Variants in COL14A1 observed in about 807,000 individuals in gnomAD.
COL14A1 encodes collagen alpha-1(XIV) chain.
COL14A1 carries 136 observed loss-of-function variants against 230.3 expected under a neutral mutation model. The observed-to-expected ratio is 0.59, with a 90% CI of 0.51 to 0.68. The LOEUF is 0.68. COL14A1 is among the 30% of genes least tolerant of loss of function. The pLI is 0.00. For synonymous variants in COL14A1, 792 were observed against 784.1 expected, an observed-to-expected ratio of 1.01 and a Z score of -0.17; for missense variants, 1,976 against 2,215.8, an observed-to-expected ratio of 0.89 and a Z score of 2.17.
chr8:120,364,094 T>C (rs1046262683), intron 45 of COL14A1, among the ~76,000 whole-genome samples: 1 of 150,382 alleles, frequency 6.6e-6, no homozygotes, highest in African/African-American at 2.4e-5. Context: ...GTCCCATGAG[T>C]CTCCTGAGTC....
intron 5 of COL14A1, 68 bp from the exon 6 acceptor site, chr8:120,196,723 T>G: frequency 6.6e-7 from 1 of 1,520,354 alleles, no homozygotes; most frequent in Non-Finnish European, 9.0e-7. Context: ...CTAAAAGACA[T>G]TAAGATGGAC....
Position 120,231,538 on chromosome 8 carries a change from A to G in COL14A1, c.2269A>G (p.Ile757Val). 4 of 1,614,098 alleles carry G rather than the reference A, an allele frequency of 2.5e-6. No individual in the cohort carries two copies. The highest frequency in any genetic ancestry group is 3.4e-6 in the Non-Finnish European group (4 of 1,180,000). ...TTCTAGCCTGCGGGTAAAATGGGACATTTCTGACAGCGATGTGCAGCAGTT... is the reference window on the plus strand; with the variant it reads ...TTCTAGCCTGCGGGTAAAATGGGACGTTTCTGACAGCGATGTGCAGCAGTT... Reference protein sequence around the residue: ...TTSSLRVKWDISDSDVQQFRV... With the variant: ...TTSSLRVKWDVSDSDVQQFRV... Residue 757 changes from isoleucine to valine, a missense_variant, in exon 19 of 48, where the codon ATT becomes GTT. Ile to Val is a conservative substitution (Grantham distance 29). Around this residue, in one of 3 missense-constraint regions of COL14A1, gnomAD observed 1,791 missense variants for 2,019.5 expected, o/e 0.89. Transcript: ENST00000297848.
At chr8:120,362,802 G>A (rs1365336837) in intron 45 of COL14A1, among the ~76,000 whole-genome samples, 1 of 152,128 alleles carries the variant, frequency 6.6e-6, no homozygotes, top group African/African-American at 2.4e-5. Flanking sequence ...AGAAGGAGTA[G>A]GAGGAGATGG....
intron 45 of COL14A1, 105 bp downstream of exon 45, chr8:120,345,668 T>C (rs1166067287): frequency 2.0e-6 from 2 of 990,656 alleles, no homozygotes; most frequent in East Asian, 6.6e-5. Flanking sequence ...ACAATGGACT[T>C]AAATTAATTC....
At chr8:120,159,369 C>T (rs750979306) in intron 3 of COL14A1, among the ~76,000 whole-genome samples, 1 of 152,166 alleles carries the variant, frequency 6.6e-6, no homozygotes, top group African/African-American at 2.4e-5. Context: ...TAAAGATGCT[C>T]TCAGGTCCCA....
chr8:120,243,760 C>A, intron 19 of COL14A1, 119 bp from the exon 20 acceptor site: 1 of 1,196,054 alleles, frequency 8.4e-7, no homozygotes, highest in Middle Eastern at 2.0e-4. Flanking sequence ...CTTTTCTCCT[C>A]ACTCTCAAAG....
At chr8:120,344,122 G>A (rs1392788765) in intron 44 of COL14A1, among the ~76,000 whole-genome samples, 1 of 152,130 alleles carries the variant, frequency 6.6e-6, no homozygotes, top group African/African-American at 2.4e-5. Context: ...GCTTAAACAA[G>A]TCTATAAAAT....
At chr8:120,145,035 T>C (rs528108847) in intron 1 of COL14A1, among the ~76,000 whole-genome samples, 7 of 152,182 alleles carry the variant, frequency 4.6e-5, no homozygotes, top group South Asian at 2.1e-4. Context: ...AAAATTAACA[T>C]ATAAAGAGTT....
At chr8:120,196,453 C>G (rs1817042466) in intron 5 of COL14A1, among the ~76,000 whole-genome samples, 1 of 152,140 alleles carries the variant, frequency 6.6e-6, no homozygotes, top group Non-Finnish European at 1.5e-5. Context: ...GCTGGTGTTG[C>G]TAAGACCTTT....
At chr8:120,333,829 A>G (rs1307086115) in intron 42 of COL14A1, among the ~76,000 whole-genome samples, 1 of 152,168 alleles carries the variant, frequency 6.6e-6, no homozygotes, top group African/African-American at 2.4e-5. Flanking sequence ...AAAGCCAGCA[A>G]TGTTGCATCT....
intron 40 of COL14A1, among the ~76,000 whole-genome samples, chr8:120,316,562 A>C (rs1821243155): frequency 6.6e-6 from 1 of 152,184 alleles, no homozygotes; most frequent in Non-Finnish European, 1.5e-5. Flanking sequence ...GTTCTCAAAG[A>C]GTTTATAGTT....
At chr8:120,153,711 C>G (rs1815368114) in intron 2 of COL14A1, among the ~76,000 whole-genome samples, 1 of 152,144 alleles carries the variant, frequency 6.6e-6, no homozygotes, top group South Asian at 2.1e-4. Flanking sequence ...CTCTGGTCAA[C>G]TAAGCAAAAA....
chr8:120,258,851 T>C lies in COL14A1; in HGVS notation c.2869+3495T>C, dbSNP rs927017174. Among the ~76,000 whole-genome samples, 5 of 152,136 alleles carry C rather than the reference T, an allele frequency of 3.3e-5. No homozygotes were observed. The East Asian group carries it at 7.7e-4, about 23-fold the overall frequency. ...TGCAGATGCTATGGGATTTTATCCCTCTCTCCAGCTGTTTTTGAGTTGCCT... is the reference window on the plus strand; with the variant it reads ...TGCAGATGCTATGGGATTTTATCCCCCTCTCCAGCTGTTTTTGAGTTGCCT... On this transcript the variant is annotated intron_variant, in intron 23 of 47. Transcript: ENST00000297848.
At chr8:120,166,872 T>TGTGTGTG (rs1815893128) in intron 4 of COL14A1, among the ~76,000 whole-genome samples, 2 of 85,744 alleles carry the variant, frequency 2.3e-5, no homozygotes, top group South Asian at 9.1e-4. Context: ...AGAAAAGAAT[T>TGTGTGTG]TAAGTGTGTG....
Position 120,158,116 on chromosome 8 carries a change from T to G in COL14A1, c.89-14T>G. The G allele has an allele frequency of 7.3e-7, 1 of 1,361,658 alleles. No homozygotes were observed. Among genetic ancestry groups the G allele is most frequent in the Non-Finnish European group, 1.0e-6 (1 of 969,828 alleles). The allele number at this position is 1,361,658 out of a possible 1,614,324, so 84.3% of individuals were successfully genotyped here. ...TGTTACAATGTTTACATCATTTTTG[T>G]TCTTCCTTTTCAGTGGCTCCACCCA... On this transcript the variant is annotated splice_polypyrimidine_tract_variant and intron_variant, in intron 2 of 47. Transcript: ENST00000297848.
intron 45 of COL14A1, among the ~76,000 whole-genome samples, chr8:120,349,893 A>G (rs1265135189): frequency 6.8e-6 from 1 of 146,978 alleles, no homozygotes; most frequent in African/African-American, 2.6e-5. Context: ...GAACGCTACA[A>G]AGATACTCCT....
intron 1 of COL14A1, among the ~76,000 whole-genome samples, chr8:120,129,927 T>C (rs577074226): frequency 6.6e-6 from 1 of 152,350 alleles, no homozygotes; most frequent in South Asian, 2.1e-4. Flanking sequence ...TCTAGATGTC[T>C]GATAGTGCCC....
At chr8:120,331,622 A>C (rs562677437) in intron 40 of COL14A1, among the ~76,000 whole-genome samples, 11 of 152,222 alleles carry the variant, frequency 7.2e-5, no homozygotes, top group Non-Finnish European at 1.5e-4. Context: ...CCACGATGAC[A>C]CTCAGTAAAT....
In COL14A1 at chr8:120,265,073, C is replaced by T. The variant is rs1008974734; in HGVS notation, c.3017-1754C>T. On this transcript the variant is annotated intron_variant, in intron 24 of 47. Coordinates refer to ENST00000297848, the MANE Select transcript of COL14A1 (RefSeq NM_021110.4). Reference sequence around the variant, plus strand: ...GCAATGCAGGTAAAGACTATTCCCTCTTTATATGACAGCCCCTCACATCCT... The same window carrying T: ...GCAATGCAGGTAAAGACTATTCCCTTTTTATATGACAGCCCCTCACATCCT... Among the ~76,000 whole-genome samples the T allele has an allele frequency of 2.4e-4, 37 of 152,240 alleles. 1 individual carries two copies. Among genetic ancestry groups the T allele is most frequent in the Middle Eastern group, 3.4e-3 (1 of 294 alleles).
Sources: gnomAD v4.1 joint callset for allele counts (sites outside exome capture counted in the v4.1 genomes callset) on GRCh38, gnomAD v4.1.1 for gene constraint, gnomAD v4.1.1 regional missense constraint, MANE v1.5 for transcripts, NCBI Gene and HGNC (gene_info 2026-07-23, HGNC 2026-07-21) for gene names.